ENTREP2: variants seen among roughly 807,000 people sequenced by gnomAD.
ENTREP2 encodes the protein endosomal transmembrane epsin interactor 2.
chr15:29,604,078 G>A, the ENTREP2 span, among the ~76,000 whole-genome samples: 1 of 152,276 alleles, frequency 6.6e-6, no homozygotes, highest in South Asian at 2.1e-4. Context: ...GAGGGAAACG[G>A]TCACTATCCC....
At chr15:29,254,371 G>A in the ENTREP2 span, among the ~76,000 whole-genome samples, 1 of 152,026 alleles carries the variant, frequency 6.6e-6, no homozygotes, top group African/African-American at 2.4e-5. Flanking sequence ...ATTTTGTCCA[G>A]TAGAACGTAA....
At chr15:29,214,360 T>TA in the ENTREP2 span, among the ~76,000 whole-genome samples, 592 of 152,110 alleles carry the variant, frequency 3.9e-3, 2 homozygotes, top group African/African-American at 0.014. Context: ...TATGCAGCCA[T>TA]AAAAAAGGAT....
chr15:29,165,224 A>T, the ENTREP2 span, among the ~76,000 whole-genome samples: 2 of 152,146 alleles, frequency 1.3e-5, no homozygotes, highest in African/African-American at 2.4e-5. Flanking sequence ...AAAAAGACTG[A>T]AAGGGCACAC....
chr15:29,147,772 C>A, the ENTREP2 span, among the ~76,000 whole-genome samples: 1 of 152,100 alleles, frequency 6.6e-6, no homozygotes, highest in Non-Finnish European at 1.5e-5. Flanking sequence ...ATCCTTATGA[C>A]CCAGCAATTC....
chr15:29,394,881 TC>T, the ENTREP2 span, among the ~76,000 whole-genome samples: 21 of 7,748 alleles, frequency 2.7e-3, no homozygotes, highest in African/African-American at 6.5e-3. Context: ...TGTCAGAATC[TC>T]TTTTTTTTTT....
the ENTREP2 span, among the ~76,000 whole-genome samples, chr15:29,387,392 C>T: frequency 1.8e-4 from 28 of 152,204 alleles, no homozygotes; most frequent in African/African-American, 6.7e-4. Flanking sequence ...GAATAAAATA[C>T]CTAGGAATCC....
the ENTREP2 span, among the ~76,000 whole-genome samples, chr15:29,606,238 C>A: frequency 1.4e-5 from 2 of 140,386 alleles, no homozygotes; most frequent in African/African-American, 2.6e-5. Flanking sequence ...TCTTTTCCTT[C>A]TTTTTTTTTT....
chr15:29,270,615 C>T, the ENTREP2 span, among the ~76,000 whole-genome samples: 3 of 151,826 alleles, frequency 2.0e-5, no homozygotes, highest in African/African-American at 7.3e-5. Context: ...TAATGTGGAG[C>T]TCTTAAATTT....
At chr15:29,622,877 C>T in the ENTREP2 span, among the ~76,000 whole-genome samples, 14 of 152,248 alleles carry the variant, frequency 9.2e-5, no homozygotes, top group South Asian at 2.1e-3. Context: ...TGGCAGAGAG[C>T]GGTGTGAGGC....
the ENTREP2 span, among the ~76,000 whole-genome samples, chr15:29,208,530 G>A: frequency 2.2e-4 from 33 of 152,284 alleles, no homozygotes; most frequent in Non-Finnish European, 1.5e-5. Flanking sequence ...AGGTTTGAGG[G>A]AGGCGCCAGC....
chr15:29,332,847 T>C, the ENTREP2 span, among the ~76,000 whole-genome samples: 10 of 150,278 alleles, frequency 6.7e-5, no homozygotes, highest in Admixed American at 2.7e-4. Flanking sequence ...TAATCCCAGC[T>C]ACTCGGGAGG....
At chr15:29,422,358 G>A in the ENTREP2 span, among the ~76,000 whole-genome samples, 1 of 152,214 alleles carries the variant, frequency 6.6e-6, no homozygotes, top group Admixed American at 6.5e-5. Context: ...CACCCAGGAT[G>A]GGGACCCCAC....
chr15:29,124,086 G>C, the ENTREP2 span, among the ~76,000 whole-genome samples: 54 of 151,718 alleles, frequency 3.6e-4, no homozygotes, highest in Admixed American at 1.5e-3. Context: ...ACATGAGACC[G>C]CCCCCCCCAT....
At chr15:29,292,364 CTTCTTTCT>C in the ENTREP2 span, among the ~76,000 whole-genome samples, 1 of 145,564 alleles carries the variant, frequency 6.9e-6, no homozygotes, top group African/African-American at 2.5e-5. Context: ...TCCTTCCTTC[CTTCTTTCT>C]TTCTTTCCTT....
chr15:29,389,925 C>G, the ENTREP2 span, among the ~76,000 whole-genome samples: 290 of 152,244 alleles, frequency 1.9e-3, 1 homozygote, highest in African/African-American at 6.7e-3. Flanking sequence ...TCCCTGATAC[C>G]GGAAACACTG....
At chr15:29,568,710 CAAAAAAAAA>C in the ENTREP2 span, among the ~76,000 whole-genome samples, 21,282 of 128,120 alleles carry the variant, frequency 0.17, 1,756 homozygotes, top group East Asian at 0.33. Flanking sequence ...CCTCTTAAGG[CAAAAAAAAA>C]AAAAAAAAAA....
the ENTREP2 span, chr15:29,136,385 C>T: frequency 6.6e-7 from 1 of 1,511,376 alleles, no homozygotes; most frequent in East Asian, 2.6e-5. Flanking sequence ...AGGGGGCTGG[C>T]CCACCACCGC....
chr15:29,389,984 T>C, the ENTREP2 span, among the ~76,000 whole-genome samples: 7 of 152,254 alleles, frequency 4.6e-5, no homozygotes, highest in East Asian at 1.4e-3. Flanking sequence ...GGCATGATAT[T>C]GCTCAGGGAG....
chr15:29,617,594 C>T, the ENTREP2 span, among the ~76,000 whole-genome samples: 2 of 152,200 alleles, frequency 1.3e-5, no homozygotes, highest in African/African-American at 2.4e-5. Context: ...ATGATGGAAT[C>T]CATCAACCTA....
Sources: gnomAD v4.1 joint callset for allele counts (sites outside exome capture counted in the v4.1 genomes callset) on GRCh38, gnomAD v4.1.1 for gene constraint, MANE v1.5 for transcripts, NCBI Gene and HGNC (gene_info 2026-07-23, HGNC 2026-07-21) for gene names.